The following ABCA7 variants were observed in gnomAD, a reference collection of about 807,000 sequenced individuals.
The protein encoded by ABCA7 is ATP binding cassette subfamily A member 7.
A neutral mutation model predicts 227.6 loss-of-function variants in ABCA7; 261 were observed. The ratio of observed to expected loss-of-function variants is 1.15; its 90% CI spans 1.04 to 1.27. The LOEUF is 1.27. ABCA7 is among the 50% of genes most tolerant of loss of function. ABCA7 has a pLI of 0.00. For synonymous variants in ABCA7, 1,488 were observed against 1,279.7 expected (o/e 1.16, Z -3.47); for missense variants, 3,331 against 2,924.5 (o/e 1.14, Z -3.21).
rs772269302 is a variant in ABCA7, at chr19:1,054,769, C to T, written c.3852-11C>T. On this transcript the variant is annotated splice_polypyrimidine_tract_variant and intron_variant, in intron 28 of 46. Coordinates refer to ENST00000263094, the MANE Select transcript of ABCA7 (RefSeq NM_019112.4). The surrounding 1 kb of genome is among the most constrained non-coding windows in gnomAD (Gnocchi z 4.8). ...GTACAGCCCTGACCCTACATCTCCCCTCACACACAGTGAGGACGCCCCAGG... is the reference window on the plus strand; with the variant it reads ...GTACAGCCCTGACCCTACATCTCCCTTCACACACAGTGAGGACGCCCCAGG... 3.5e-5 allele frequency: 56 copies of T among 1,607,406 alleles called. No individual in the cohort carries two copies. Among genetic ancestry groups the T allele is most frequent in the Non-Finnish European group, 4.6e-5 (54 of 1,177,276 alleles).
Position 1,042,825 on chromosome 19 carries a change from AG to A in ABCA7, c.579+1del, listed in dbSNP as rs1296581356. 9 of 1,597,938 alleles carry A rather than the reference AG, an allele frequency of 5.6e-6. No homozygotes were observed. Among genetic ancestry groups the A allele is most frequent in the Non-Finnish European group, 7.7e-6 (9 of 1,173,390 alleles). On this transcript the variant is annotated frameshift_variant and splice_region_variant, in exon 7 of 47. Coordinates refer to ENST00000263094, the MANE Select transcript of ABCA7 (RefSeq NM_019112.4). LOFTEE classifies it high-confidence loss of function. ...LLEAAEDLAQ[E>X]LLALRSLVEL... is the part of the protein sequence containing the mutation. Reference sequence around the variant, plus strand: ...GAGGCCGCTGAGGACCTGGCCCAGGAGGTACGAGGCCCCACTCATCCTCAAC... The same window carrying A: ...GAGGCCGCTGAGGACCTGGCCCAGGAGTACGAGGCCCCACTCATCCTCAAC...
In ABCA7 at chr19:1,056,304, AC is replaced by A. The variant is rs1483689302; in HGVS notation, c.4417-23del. On this transcript the variant is annotated intron_variant, in intron 32 of 46. Coordinates refer to ENST00000263094, the MANE Select transcript of ABCA7 (RefSeq NM_019112.4). The surrounding 1 kb of genome is among the most constrained non-coding windows in gnomAD (Gnocchi z 4.3). ...AGCAAGGTCCAACCCCATTGCTCTG[AC>A]CCTATGACCTTGACCCCCACCCAGA... 5 of 1,608,854 alleles carry A rather than the reference AC, an allele frequency of 3.1e-6. No homozygotes were observed. Among genetic ancestry groups the A allele is most frequent in the Admixed American group, 3.3e-5 (2 of 59,816 alleles).
In ABCA7 at chr19:1,054,977, C is replaced by A; in HGVS notation, c.3950+99C>A. The A allele has an allele frequency of 6.5e-7, 1 of 1,535,092 alleles. No homozygotes were observed. The highest frequency in any genetic ancestry group is 1.2e-5 in the South Asian group (1 of 81,606). ...CCTCAGGGGGCACCTGGAGCATCCC[C>A]TGTGCCCACCTGGGAGCTGGGAGCC... On this transcript the variant is annotated intron_variant, in intron 29 of 46. Transcript: ENST00000263094. The surrounding 1 kb of genome is among the most constrained non-coding windows in gnomAD (Gnocchi z 4.8).
intron 13 of ABCA7, 58 bp downstream of exon 13, chr19:1,046,464 G>T (rs752841832): frequency 1.5e-5 from 22 of 1,508,570 alleles, no homozygotes; most frequent in Non-Finnish European, 1.9e-5. Context: ...CGGGTGTGGG[G>T]GTGGGCCCAG....
Position 1,047,254 on chromosome 19 carries a change from CCTT to C in ABCA7, c.1949_1951del (p.Phe650del), listed in dbSNP as rs763936445. The C allele has an allele frequency of 1.6e-5, 26 of 1,607,604 alleles. No individual in the cohort carries two copies. In the African/African-American group the frequency reaches 2.3e-4, roughly 14 times the overall value. ...GTGACCCAGAGCTTCCTGCTCAGCG[CCTT>C]CTTCTCCCGCGCCAACCTGGCTGCG... On this transcript the variant is annotated inframe_deletion, in exon 15 of 47. Coordinates refer to ENST00000263094, the MANE Select transcript of ABCA7 (RefSeq NM_019112.4).
Position 1,042,835 on chromosome 19 carries a change from C to T in ABCA7, c.579+9C>T, listed in dbSNP as rs745543089. The T allele has an allele frequency of 1.3e-6, 2 of 1,573,868 alleles. No homozygotes were observed. The highest frequency in any genetic ancestry group is 1.4e-5 in the African/African-American group (1 of 73,100). On this transcript the variant is annotated intron_variant, in intron 7 of 46. Coordinates refer to ENST00000263094, the MANE Select transcript of ABCA7 (RefSeq NM_019112.4). ...AGGACCTGGCCCAGGAGGTACGAGG[C>T]CCCACTCATCCTCAACCCCCATGGA...
chr19:1,047,675 C>A (rs759112550), intron 16 of ABCA7, 21 bp downstream of exon 16: 11 of 1,570,420 alleles, frequency 7.0e-6, no homozygotes, highest in Non-Finnish European at 9.5e-6. Flanking sequence ...GGGGGCGGGG[C>A]TCCGGGCCGG....
chr19:1,062,893 C>G (rs1330155357), intron 42 of ABCA7, among the ~76,000 whole-genome samples: 1 of 150,622 alleles, frequency 6.6e-6, no homozygotes, highest in Non-Finnish European at 1.5e-5. Context: ...CTCATGCTGG[C>G]TCCACCCACA....
In ABCA7 at chr19:1,055,258, C is replaced by G; in HGVS notation, c.4112C>G (p.Ala1371Gly). 1 of 1,603,202 alleles carries G rather than the reference C, an allele frequency of 6.2e-7. No individual in the cohort carries two copies. The highest frequency in any genetic ancestry group is 8.5e-7 in the Non-Finnish European group (1 of 1,175,464). The part of the protein sequence containing the change: ...AAAGGPPPPQ[A>G]VTGSGEVVQN... Reference sequence around the variant, plus strand: ...GCTGGTGGTCCCCCTCCGCCCCAGGCAGTGACCGGCTCTGGGGAAGTGGTT... The same window carrying G: ...GCTGGTGGTCCCCCTCCGCCCCAGGGAGTGACCGGCTCTGGGGAAGTGGTT... The change falls in exon 30 of 47, where the codon GCA becomes GGA. Residue 1371 changes from alanine (A) to glycine (G), a missense_variant. Physicochemically the swap from Ala to Gly is moderately conservative, Grantham distance 60 (BLOSUM62 0). Transcript: ENST00000263094.
rs761326883 is a variant in ABCA7, at chr19:1,041,383, A to ATGC, written c.30_32dup (p.Leu11dup). ...CACCATGGCCTTCTGGACACAGCTG[A>ATGC]TGCTGCTGCTCTGGAAGAATTTCAT... On this transcript the variant is annotated inframe_insertion, in exon 2 of 47. Coordinates refer to ENST00000263094, the MANE Select transcript of ABCA7 (RefSeq NM_019112.4). 7 of 1,614,010 alleles carry ATGC rather than the reference A, an allele frequency of 4.3e-6. No homozygotes were observed. Among genetic ancestry groups the ATGC allele is most frequent in the Non-Finnish European group, 5.9e-6 (7 of 1,180,006 alleles).
Position 1,041,422 on chromosome 19 carries a change from C to G in ABCA7, c.61C>G (p.Gln21Glu). The change falls in exon 2 of 47, where the codon CAG (glutamine) becomes GAG (glutamate). Residue 21 changes from glutamine (Q) to glutamate (E), a missense_variant. Coordinates refer to ENST00000263094, the MANE Select transcript of ABCA7 (RefSeq NM_019112.4). ...LWKNFMYRRRQPVQLLVELLW... is the reference protein window; with the variant it reads ...LWKNFMYRRREPVQLLVELLW... The stretch of plus-strand genomic sequence containing the variant: ...GAAGAATTTCATGTATCGCCGGAGA[C>G]AGCCGGTAACGCCCCAGTGTGAGAC... 1 of 1,614,034 alleles carries G rather than the reference C, an allele frequency of 6.2e-7. No individual in the cohort carries two copies. The highest frequency in any genetic ancestry group is 1.3e-5 in the African/African-American group (1 of 75,058).
intron 18 of ABCA7, among the ~76,000 whole-genome samples, chr19:1,050,182 G>A (rs938873251): frequency 7.9e-5 from 12 of 151,534 alleles, no homozygotes; most frequent in Non-Finnish European, 2.9e-5. Context: ...AAGCCGAGGT[G>A]GGAGGATTGC....
At chr19:1,058,321 GGAGACCTAGA>G (rs1394307456) in intron 37 of ABCA7, 52 bp downstream of exon 37, 4 of 1,603,402 alleles carry the variant, frequency 2.5e-6, no homozygotes, top group Admixed American at 1.7e-5. Flanking sequence ...TAGCACCCTT[GGAGACCTAGA>G]GTTAATTATA....
intron 18 of ABCA7, among the ~76,000 whole-genome samples, chr19:1,049,961 A>C (rs1350338999): frequency 2.3e-5 from 1 of 42,782 alleles, no homozygotes; most frequent in African/African-American, 1.0e-4. Flanking sequence ...GTCCCCCACC[A>C]CTCCCTCCCT....
chr19:1,052,200 C>T lies in ABCA7; in HGVS notation c.3148-14C>T. 1 of 1,596,558 alleles carries T rather than the reference C, an allele frequency of 6.3e-7. No homozygotes were observed. Among genetic ancestry groups the T allele is most frequent in the Non-Finnish European group, 8.5e-7 (1 of 1,172,856 alleles). ...CCCTGAAGGCCAAGCCACTTGGTGC[C>T]TCTCTGCCCGCAGGCTGACACTGAC... On this transcript the variant is annotated splice_polypyrimidine_tract_variant and intron_variant, in intron 22 of 46. Transcript: ENST00000263094.
At chr19:1,046,778 C>A (rs1276712472) in intron 13 of ABCA7, 24 bp from the exon 14 acceptor site, 1 of 1,532,498 alleles carries the variant, frequency 6.5e-7, no homozygotes, top group Non-Finnish European at 8.7e-7. Context: ...TCTCCAGCCT[C>A]CACCCCAGCC....
At position 1,056,027 on chromosome 19, in the gene ABCA7, G is replaced by T; in HGVS notation, c.4239-39G>T. The T allele has an allele frequency of 1.3e-6, 2 of 1,557,748 alleles. No homozygotes were observed. Among genetic ancestry groups the T allele is most frequent in the Non-Finnish European group, 1.7e-6 (2 of 1,148,366 alleles). On this transcript the variant is annotated intron_variant, in intron 31 of 46. Coordinates refer to ENST00000263094, the MANE Select transcript of ABCA7 (RefSeq NM_019112.4). This position sits in a 1 kb window ranked among gnomAD's most constrained non-coding sequence, Gnocchi z 4.3. Reference sequence around the variant, plus strand: ...CCCTGGGAGCTCTCCCGGCCCCCCCGGCCCTCAGCTCCCCTTCCCTGCCTG... The same window carrying T: ...CCCTGGGAGCTCTCCCGGCCCCCCCTGCCCTCAGCTCCCCTTCCCTGCCTG...
chr19:1,060,207 A>ATATATATATATATATATATATATTTTTT, intron 40 of ABCA7, among the ~76,000 whole-genome samples: 5 of 96,770 alleles, frequency 5.2e-5, no homozygotes, highest in African/African-American at 1.7e-4. Context: ...ATATATATAT[A>ATATATATATATATATATATATATTTTTT]TTTTTTTTTC....
chr19:1,061,722 A>C, intron 40 of ABCA7, 60 bp from the exon 41 acceptor site: 2 of 1,457,608 alleles, frequency 1.4e-6, no homozygotes, highest in Non-Finnish European at 1.9e-6. Context: ...AAAAGAAATC[A>C]GAGATGCCGG....
Sources: allele counts gnomAD v4.1 joint callset (sites outside exome capture counted in the v4.1 genomes callset), GRCh38; gene constraint gnomAD v4.1.1; non-coding constraint Gnocchi (gnomAD v3.1); transcripts MANE v1.5; gene names NCBI Gene and HGNC (gene_info 2026-07-23, HGNC 2026-07-21).